LDB2: variants seen among roughly 807,000 people sequenced by gnomAD.
LDB2 encodes the protein LIM domain-binding protein 2.
LDB2 carries 12 observed loss-of-function variants against 44.3 expected under a neutral mutation model. The ratio of observed to expected loss-of-function variants is 0.27; its 90% CI spans 0.17 to 0.44. LDB2 has a LOEUF of 0.44. Ranked by LOEUF, LDB2 falls within the 20% of genes least tolerant of loss-of-function variation. The pLI, the probability that LDB2 is intolerant of heterozygous loss-of-function variation, is 1.00. For missense variants in LDB2, 344 were observed against 473.5 expected (o/e 0.73, Z 2.54); for synonymous variants, 164 against 174.8 (o/e 0.94, Z 0.49).
chr4:16,631,910 C>T (rs753326767), intron 2 of LDB2, among the ~76,000 whole-genome samples: 1 of 152,146 alleles, frequency 6.6e-6, no homozygotes, highest in Non-Finnish European at 1.5e-5. Context: ...TCTGAATAGA[C>T]CAATAACAAG....
At chr4:16,585,116 C>A (rs1435576917) in intron 5 of LDB2, among the ~76,000 whole-genome samples, 1 of 152,190 alleles carries the variant, frequency 6.6e-6, no homozygotes, top group African/African-American at 2.4e-5. Flanking sequence ...GACCATCACG[C>A]CCCAGGCCAC....
chr4:16,502,788 G>A lies in LDB2; in HGVS notation c.977C>T (p.Thr326Met), dbSNP rs773576293. 5.0e-6 allele frequency: 8 copies of A among 1,613,940 alleles called. No individual in the cohort carries two copies. Among genetic ancestry groups the A allele is most frequent in the Admixed American group, 1.7e-5 (1 of 59,994 alleles). Residue 326 changes from threonine (T) to methionine (M), a missense_variant, in exon 8 of 8, where the codon ACG (threonine) becomes ATG (methionine). Physicochemically the swap from Thr to Met is moderately conservative, Grantham distance 81. Transcript: ENST00000304523. ...CATGCCGTTGGCCGCATCATATTGC[G>A]TGTTTTCTAATCTAGTGATTAGCCT... ...DERLITRLENTQYDAANGMDD... is the reference protein window; with the variant it reads ...DERLITRLENMQYDAANGMDD...
At chr4:16,851,174 T>G (rs1788157033) in intron 1 of LDB2, among the ~76,000 whole-genome samples, 1 of 151,870 alleles carries the variant, frequency 6.6e-6, no homozygotes, top group Non-Finnish European at 1.5e-5. Flanking sequence ...GTGTAAATAC[T>G]CCACCATAAC....
At position 16,813,561 on chromosome 4, in the gene LDB2, G is replaced by A. The variant is rs571996954; in HGVS notation, c.133-54301C>T. On this transcript the variant is annotated intron_variant, in intron 1 of 7. Coordinates refer to ENST00000304523, the MANE Select transcript of LDB2 (RefSeq NM_001290.5). ...TCAAACACCTCCTGCACAAAAATCT[G>A]TAAGAGTATTCTGCATTTATATGAT... Among the ~76,000 whole-genome samples, 284 of 152,222 alleles carry A rather than the reference G, an allele frequency of 1.9e-3. 2 individuals carry two copies. The highest frequency in any genetic ancestry group is 6.5e-3 in the African/African-American group (271 of 41,540).
chr4:16,871,621 C>CTTTTTTTT (rs369989468), intron 1 of LDB2, among the ~76,000 whole-genome samples: 1 of 124,814 alleles, frequency 8.0e-6, no homozygotes, highest in Non-Finnish European at 1.7e-5. Context: ...ACCACTCTTT[C>CTTTTTTTT]TTTTTTTTTT....
intron 3 of LDB2, among the ~76,000 whole-genome samples, chr4:16,592,094 C>T (rs926018132): frequency 7.2e-5 from 11 of 152,026 alleles, no homozygotes; most frequent in Non-Finnish European, 1.3e-4. Context: ...AGATGGTCTC[C>T]GGAGGATCAA....
At chr4:16,801,270 G>A (rs1236434769) in intron 1 of LDB2, among the ~76,000 whole-genome samples, 2 of 152,130 alleles carry the variant, frequency 1.3e-5, no homozygotes, top group Non-Finnish European at 2.9e-5. Context: ...TCATTGTGTT[G>A]CAATTATTGT....
chr4:16,516,079 A>G (rs1723598531), intron 5 of LDB2, among the ~76,000 whole-genome samples: 1 of 151,786 alleles, frequency 6.6e-6, no homozygotes, highest in Non-Finnish European at 1.5e-5. Context: ...TGTGTCCAGG[A>G]TGGTCTCAAT....
chr4:16,698,265 G>A (rs1159491319), intron 2 of LDB2, among the ~76,000 whole-genome samples: 2 of 152,080 alleles, frequency 1.3e-5, no homozygotes, highest in African/African-American at 4.8e-5. Context: ...ACTCAATACT[G>A]CATTAGTAAA....
intron 2 of LDB2, among the ~76,000 whole-genome samples, chr4:16,718,135 C>T (rs1757478031): frequency 6.6e-6 from 1 of 151,946 alleles, no homozygotes; most frequent in Non-Finnish European, 1.5e-5. Flanking sequence ...GATAGTGTTA[C>T]ATCTTTACTC....
chr4:16,706,107 G>T (rs1056797503), intron 2 of LDB2, among the ~76,000 whole-genome samples: 1 of 152,096 alleles, frequency 6.6e-6, no homozygotes, highest in African/African-American at 2.4e-5. Flanking sequence ...CTGAATTCTT[G>T]TGTTCCTTTA....
chr4:16,857,558 T>C (rs1377136262), intron 1 of LDB2, among the ~76,000 whole-genome samples: 3 of 152,200 alleles, frequency 2.0e-5, no homozygotes, highest in Non-Finnish European at 4.4e-5. Context: ...CTTCCTTTAA[T>C]CCAACCTCCT....
In LDB2 at chr4:16,833,942, G is replaced by A. The variant is rs141365697; in HGVS notation, c.132+64412C>T. The stretch of plus-strand genomic sequence containing the variant: ...GATCTTTGTACTTGCTCTCTTAACA[G>A]CCTGTAAGTCTCTTACCCAATGTCC... On this transcript the variant is annotated intron_variant, in intron 1 of 7. Coordinates refer to ENST00000304523, the MANE Select transcript of LDB2 (RefSeq NM_001290.5). 1.1e-4 allele frequency among the ~76,000 whole-genome samples: 17 copies of A among 152,250 alleles called. No homozygotes were observed. In the East Asian group the frequency reaches 3.3e-3, roughly 29 times the overall value.
At chr4:16,574,080 A>G (rs1295518901) in intron 5 of LDB2, among the ~76,000 whole-genome samples, 1 of 152,222 alleles carries the variant, frequency 6.6e-6, no homozygotes, top group Non-Finnish European at 1.5e-5. Context: ...GCACTGGACT[A>G]TACTCCTGTT....
chr4:16,674,112 G>T, intron 2 of LDB2: 1 of 607,734 alleles, frequency 1.6e-6, no homozygotes, highest in Non-Finnish European at 2.6e-6. Flanking sequence ...GAAGGAAGTT[G>T]GAAAGATTTC....
At chr4:16,883,765 A>G (rs4698160) in intron 1 of LDB2, among the ~76,000 whole-genome samples, 89,547 of 152,024 alleles carry the variant, frequency 0.59, 26,680 homozygotes, top group East Asian at 0.84. Flanking sequence ...TCCCAATTGT[A>G]TCAAGGCAGG....
intron 5 of LDB2, among the ~76,000 whole-genome samples, chr4:16,584,263 ATAT>A (rs746674226): frequency 8.5e-5 from 13 of 152,144 alleles, no homozygotes; most frequent in Non-Finnish European, 1.5e-4. Flanking sequence ...CAAGGAGCTG[ATAT>A]TATTTTTGGC....
chr4:16,779,791 G>A (rs1414877157), intron 1 of LDB2, among the ~76,000 whole-genome samples: 1 of 152,192 alleles, frequency 6.6e-6, no homozygotes, highest in Non-Finnish European at 1.5e-5. Context: ...GGCATCAGCT[G>A]GGTGCCCACT....
intron 5 of LDB2, among the ~76,000 whole-genome samples, chr4:16,512,359 T>G (rs774178355): frequency 2.3e-4 from 35 of 152,038 alleles, no homozygotes; most frequent in Non-Finnish European, 5.1e-4. Flanking sequence ...AACACACACA[T>G]ATACGTGTAC....
Sources: gnomAD v4.1 joint callset for allele counts (sites outside exome capture counted in the v4.1 genomes callset) on GRCh38, gnomAD v4.1.1 for gene constraint, MANE v1.5 for transcripts, NCBI Gene and HGNC (gene_info 2026-07-23, HGNC 2026-07-21) for gene names.